PFN4: variants seen among roughly 807,000 people sequenced by gnomAD.
PFN4 encodes the protein profilin family member 4.
A neutral mutation model predicts 16.3 loss-of-function variants in PFN4; 10 were observed. The ratio of observed to expected loss-of-function variants is 0.61; its 90% CI spans 0.38 to 1.04. PFN4 has a LOEUF of 1.04. Ranked by LOEUF, PFN4 falls within the 50% of genes least tolerant of loss-of-function variation. The probability of loss-of-function intolerance (pLI) is 0.01; values close to 1 mark genes in which losing one functional copy is unlikely to be tolerated. For missense variants in PFN4, 136 were observed against 153.6 expected, an observed-to-expected ratio of 0.89 and a Z score of 0.61; for synonymous variants, 54 against 56.9, an observed-to-expected ratio of 0.95 and a Z score of 0.23.
intron 3 of PFN4, among the ~76,000 whole-genome samples, chr2:24,120,834 G>A (rs563390274): frequency 1.3e-5 from 2 of 152,092 alleles, no homozygotes; most frequent in East Asian, 3.9e-4. Flanking sequence ...ACTGTGCCTG[G>A]CCACTGAGAA....
rs1666038124 is a variant in PFN4 at position 24,119,778 on chromosome 2, C to T, written c.256-96G>A. On this transcript the variant is annotated intron_variant, in intron 3 of 4. Coordinates refer to ENST00000313213, the MANE Select transcript of PFN4 (RefSeq NM_199346.3). ...ACGTTTTTCACCATTTCCTGATTTCCATATGTTTGGAATATATATGGAATA... is the reference window on the plus strand; with the variant it reads ...ACGTTTTTCACCATTTCCTGATTTCTATATGTTTGGAATATATATGGAATA... The T allele has an allele frequency of 3.5e-6, 3 of 850,312 alleles. No homozygotes were observed. The Admixed American group carries it at 6.6e-5, about 19-fold the overall frequency. 52.7% of individuals were successfully genotyped at this position (850,312 alleles called of 1,614,324 possible). A position where few individuals can be genotyped will look rare whatever the true frequency, so the allele number is the denominator to read the frequency against.
rs767585724 is a variant in PFN4 at position 24,114,836 on chromosome 2, C to G, written c.*747G>C. Reference sequence around the variant, plus strand: ...GAGACCAAGAGGAGATGAACTCTTTCTGGGGAAGGGTGCATTTAGTGACCA... The same window carrying G: ...GAGACCAAGAGGAGATGAACTCTTTGTGGGGAAGGGTGCATTTAGTGACCA... On this transcript the variant is annotated 3_prime_UTR_variant, in exon 5 of 5. Transcript: ENST00000313213. 6.6e-6 allele frequency among the ~76,000 whole-genome samples: 1 copy of G among 152,176 alleles called. No individual in the cohort carries two copies. Among genetic ancestry groups the G allele is most frequent in the Non-Finnish European group, 1.5e-5 (1 of 68,030 alleles).
At chr2:24,119,707 T>A in intron 3 of PFN4, 25 bp from the exon 4 acceptor site, 1 of 1,568,454 alleles carries the variant, frequency 6.4e-7, no homozygotes, top group Non-Finnish European at 8.7e-7. Context: ...TAAGAGAATA[T>A]TCTGCTCTTG....
At chr2:24,120,969 C>A (rs2151007899) in intron 3 of PFN4, among the ~76,000 whole-genome samples, 194 bp downstream of exon 3, 1 of 150,660 alleles carries the variant, frequency 6.6e-6, no homozygotes, top group Non-Finnish European at 1.5e-5. Flanking sequence ...CTGGAATGAA[C>A]ATTTCTCAAA....
At position 24,115,327 on chromosome 2, in the gene PFN4, C is replaced by G. The variant is rs1377402362; in HGVS notation, c.*256G>C. The G allele has an allele frequency of 2.2e-6, 1 of 458,978 alleles. No individual in the cohort carries two copies. Among genetic ancestry groups the G allele is most frequent in the African/African-American group, 1.9e-5 (1 of 51,282 alleles). 28.4% of individuals were successfully genotyped at this position (458,978 alleles called of 1,614,324 possible). On this transcript the variant is annotated 3_prime_UTR_variant, in exon 5 of 5. Coordinates refer to ENST00000313213, the MANE Select transcript of PFN4 (RefSeq NM_199346.3). The stretch of plus-strand genomic sequence containing the variant: ...CAAGAGCCTCACAGAAAGGAGCCTC[C>G]CAATAGATATGCTCTGTGAAATGAT...
At chr2:24,118,153 A>G (rs1665982860) in intron 4 of PFN4, among the ~76,000 whole-genome samples, 3 of 152,210 alleles carry the variant, frequency 2.0e-5, no homozygotes. Context: ...TGACAGCCAA[A>G]TTGCCCATCT....
chr2:24,117,781 G>A (rs1008222692), intron 4 of PFN4, among the ~76,000 whole-genome samples: 2 of 152,122 alleles, frequency 1.3e-5, no homozygotes, highest in East Asian at 3.8e-4. Context: ...CAATGATCAC[G>A]TATAATTTTT....
intron 4 of PFN4, among the ~76,000 whole-genome samples, chr2:24,118,539 G>A (rs1363955753): frequency 6.6e-6 from 1 of 152,132 alleles, no homozygotes; most frequent in Admixed American, 6.5e-5. Flanking sequence ...ATGCCTTCCA[G>A]GGATTCACAA....
chr2:24,115,651 A>C, intron 4 of PFN4, 40 bp from the exon 5 acceptor site: 2 of 1,592,714 alleles, frequency 1.3e-6, no homozygotes, highest in Non-Finnish European at 1.7e-6. Flanking sequence ...TATGAGCTGC[A>C]AATTATCACT....
At chr2:24,118,216 T>C (rs1462980459) in intron 4 of PFN4, among the ~76,000 whole-genome samples, 1 of 152,202 alleles carries the variant, frequency 6.6e-6, no homozygotes, top group Non-Finnish European at 1.5e-5. Flanking sequence ...TGGCTCTCTA[T>C]GTCTCTGTTC....
chr2:24,115,293 G>C lies in PFN4; in HGVS notation c.*290C>G, dbSNP rs1296373087. 2.6e-6 allele frequency: 1 copy of C among 386,954 alleles called. No homozygotes were observed. The highest frequency in any genetic ancestry group is 4.8e-6 in the Non-Finnish European group (1 of 208,658). The allele number at this position is 386,954 out of a possible 1,614,324, so 24.0% of individuals were successfully genotyped here. ...ATTCTTGGCATACTTAGCAAGGTGT[G>C]TAGGAGTACAAGAGCCTCACAGAAA... On this transcript the variant is annotated 3_prime_UTR_variant, in exon 5 of 5. Transcript: ENST00000313213.
chr2:24,119,957 T>C lies in PFN4; in HGVS notation c.256-275A>G, dbSNP rs575902301. Among the ~76,000 whole-genome samples, 7 of 152,278 alleles carry C rather than the reference T, an allele frequency of 4.6e-5. No individual in the cohort carries two copies. In the East Asian group the frequency reaches 5.8e-4, roughly 13 times the overall value. Reference sequence around the variant, plus strand: ...AAAAGTTCTGCAATTGATTATCATATACCCCATCCCAATTAGAACAACTGA... The same window carrying C: ...AAAAGTTCTGCAATTGATTATCATACACCCCATCCCAATTAGAACAACTGA... On this transcript the variant is annotated intron_variant, in intron 3 of 4. Coordinates refer to ENST00000313213, the MANE Select transcript of PFN4 (RefSeq NM_199346.3).
In PFN4 at chr2:24,115,433, C is replaced by T; in HGVS notation, c.*150G>A. The stretch of plus-strand genomic sequence containing the variant: ...AGTAATTCCAGTGAAAGAAGAGGAT[C>T]TCTGGAAGTAATAAAAATTGCTCCC... On this transcript the variant is annotated 3_prime_UTR_variant, in exon 5 of 5. Coordinates refer to ENST00000313213, the MANE Select transcript of PFN4 (RefSeq NM_199346.3). The T allele has an allele frequency of 1.6e-6, 1 of 641,268 alleles. No individual in the cohort carries two copies. The highest frequency in any genetic ancestry group is 2.7e-6 in the Non-Finnish European group (1 of 371,158). 39.7% of individuals were successfully genotyped at this position (641,268 alleles called of 1,614,324 possible).
chr2:24,122,657 C>G lies in PFN4; in HGVS notation c.-12-110G>C. ...GACAGTTCTAAGATCAGCAAGTGTACTTTGAAAAGGTACAGGGTGAAAACG... is the reference window on the plus strand; with the variant it reads ...GACAGTTCTAAGATCAGCAAGTGTAGTTTGAAAAGGTACAGGGTGAAAACG... On this transcript the variant is annotated intron_variant, in intron 1 of 4. Transcript: ENST00000313213. 7.2e-6 allele frequency: 5 copies of G among 698,354 alleles called. No homozygotes were observed. In the South Asian group the frequency reaches 9.2e-5, roughly 13 times the overall value. 43.3% of individuals were successfully genotyped at this position (698,354 alleles called of 1,614,324 possible).
At chr2:24,122,340 A>AAAAAAT in intron 2 of PFN4, 79 bp downstream of exon 2, 1 of 1,080,202 alleles carries the variant, frequency 9.3e-7, no homozygotes, top group Non-Finnish European at 1.4e-6. Context: ...AAAAAAAAAA[A>AAAAAAT]GTCATGTCTG....
chr2:24,119,461 C>T, intron 4 of PFN4, 116 bp downstream of exon 4: 1 of 705,048 alleles, frequency 1.4e-6, no homozygotes, highest in Non-Finnish European at 2.4e-6. Flanking sequence ...CCTCAGCATC[C>T]TTCCAATAAA....
At chr2:24,118,122 C>A (rs189462613) in intron 4 of PFN4, among the ~76,000 whole-genome samples, 1 of 152,352 alleles carries the variant, frequency 6.6e-6, no homozygotes, top group African/African-American at 2.4e-5. Context: ...CCCTAGCTGA[C>A]AGGGTAAGAG....
At chr2:24,115,849 A>G (rs900538596) in intron 4 of PFN4, among the ~76,000 whole-genome samples, 1 of 151,430 alleles carries the variant, frequency 6.6e-6, no homozygotes, top group African/African-American at 2.4e-5. Flanking sequence ...ATTTCATGGT[A>G]ATAAGTGCCA....
intron 4 of PFN4, among the ~76,000 whole-genome samples, chr2:24,118,353 C>A (rs1419057167): frequency 2.0e-5 from 3 of 152,198 alleles, no homozygotes; most frequent in Admixed American, 6.5e-5. Context: ...TATATAGTTT[C>A]TGTGATAAAC....
Sources: allele counts gnomAD v4.1 joint callset (sites outside exome capture counted in the v4.1 genomes callset), GRCh38; gene constraint gnomAD v4.1.1; transcripts MANE v1.5; gene names NCBI Gene and HGNC (gene_info 2026-07-23, HGNC 2026-07-21).